COL24A1: variants seen among roughly 807,000 people sequenced by gnomAD.
COL24A1 encodes the protein collagen alpha-1(XXIV) chain.
In COL24A1, 224 loss-of-function variants were observed where a neutral mutation model predicts 253.9. The observed-to-expected ratio is 0.88, with a 90% CI of 0.79 to 0.99. The LOEUF (loss-of-function observed/expected upper bound fraction) is 0.99, where lower values mean the gene tolerates loss of function less well. COL24A1 is among the 50% of genes least tolerant of loss of function. COL24A1 has a pLI of 0.00. For synonymous variants in COL24A1, 685 were observed against 673.7 expected, an observed-to-expected ratio of 1.02 and a Z score of -0.26; for missense variants, 2,131 against 2,068.5, an observed-to-expected ratio of 1.03 and a Z score of -0.59.
At chr1:85,845,270 G>A (rs1436083276) in intron 39 of COL24A1, among the ~76,000 whole-genome samples, 1 of 151,736 alleles carries the variant, frequency 6.6e-6, no homozygotes, top group Admixed American at 6.6e-5. Context: ...GAAAGCATGG[G>A]TTTATCTAAA....
intron 31 of COL24A1, among the ~76,000 whole-genome samples, chr1:85,890,376 T>C (rs768791826): frequency 7.6e-4 from 116 of 151,662 alleles, no homozygotes; most frequent in Admixed American, 9.9e-4. Flanking sequence ...TGCACAAGGG[T>C]TCTAATTCCT....
rs1257297779 is a variant in COL24A1, at chr1:85,938,271, C to T, written c.2562+22978G>A. On this transcript the variant is annotated intron_variant, in intron 24 of 59. Coordinates refer to ENST00000370571, the MANE Select transcript of COL24A1 (RefSeq NM_152890.7). ...CAATGTCCCAGTGGAGGACTCTGTG[C>T]TTTCCATTCCCACAAAATGTGAGCT... Among the ~76,000 whole-genome samples the T allele has an allele frequency of 1.4e-5, 2 of 147,054 alleles. 1 individual carries two copies. Among genetic ancestry groups the T allele is most frequent in the Non-Finnish European group, 3.0e-5 (2 of 66,532 alleles).
chr1:86,080,217 A>T (rs192708909), intron 7 of COL24A1, among the ~76,000 whole-genome samples: 39 of 152,282 alleles, frequency 2.6e-4, no homozygotes, highest in African/African-American at 9.4e-4. Flanking sequence ...TGGGATCTAA[A>T]TATCACAAAA....
At chr1:85,870,282 G>T (rs958726649) in intron 35 of COL24A1, among the ~76,000 whole-genome samples, 4 of 152,188 alleles carry the variant, frequency 2.6e-5, no homozygotes, top group African/African-American at 9.7e-5. Flanking sequence ...ACATTAGACA[G>T]ATCAATGAGA....
chr1:86,020,944 C>A (rs1697474753), intron 18 of COL24A1, among the ~76,000 whole-genome samples: 1 of 152,004 alleles, frequency 6.6e-6, no homozygotes, highest in African/African-American at 2.4e-5. Context: ...AAGCCCAGGG[C>A]AAAGAACTAG....
rs1230301429 is a variant in COL24A1 at position 85,970,141 on chromosome 1, T to C, written c.2463+86A>G. 4.1e-6 allele frequency: 5 copies of C among 1,213,032 alleles called. No individual in the cohort carries two copies. In the African/African-American group the frequency reaches 4.7e-5, roughly 11 times the overall value. The allele number at this position is 1,213,032 out of a possible 1,614,324, so 75.1% of individuals were successfully genotyped here. A position where few individuals can be genotyped will look rare whatever the true frequency, so the allele number is the denominator to read the frequency against. On this transcript the variant is annotated intron_variant, in intron 22 of 59. Coordinates refer to ENST00000370571, the MANE Select transcript of COL24A1 (RefSeq NM_152890.7). ...TTTTCATTTTTGTCCTTTACTATAA[T>C]GTAAAATGTTATGATGTTAAAAACA...
intron 47 of COL24A1, among the ~76,000 whole-genome samples, chr1:85,805,561 T>C (rs1034260413): frequency 2.0e-5 from 3 of 152,178 alleles, no homozygotes; most frequent in Admixed American, 6.5e-5. Context: ...ACAAAAAATA[T>C]GGAGTTTTAG....
chr1:85,991,065 AC>A (rs1490435134), intron 19 of COL24A1, among the ~76,000 whole-genome samples: 1 of 152,230 alleles, frequency 6.6e-6, no homozygotes, highest in African/African-American at 2.4e-5. Context: ...CATCACACAC[AC>A]AAAAAGAGAT....
intron 47 of COL24A1, among the ~76,000 whole-genome samples, chr1:85,799,216 AAAGAAAG>A (rs1671149175): frequency 1.7e-5 from 1 of 59,620 alleles, no homozygotes; most frequent in African/African-American, 4.5e-5. Flanking sequence ...CACATAAAAG[AAAGAAAG>A]AAAGAAAGAA....
At chr1:86,129,932 G>C (rs1458950904) in intron 2 of COL24A1, among the ~76,000 whole-genome samples, 2 of 151,566 alleles carry the variant, frequency 1.3e-5, no homozygotes, top group Non-Finnish European at 3.0e-5. Flanking sequence ...GTTTATTTTT[G>C]TACAATTAAT....
chr1:86,133,637 T>A (rs1311879453), intron 2 of COL24A1, among the ~76,000 whole-genome samples: 1 of 152,232 alleles, frequency 6.6e-6, no homozygotes, highest in Non-Finnish European at 1.5e-5. Context: ...GCTCTGTTTA[T>A]ATGCTGGATT....
At chr1:86,129,502 T>C (rs562659995) in intron 2 of COL24A1, among the ~76,000 whole-genome samples, 54 of 151,940 alleles carry the variant, frequency 3.6e-4, no homozygotes, top group African/African-American at 1.1e-3. Context: ...AATTAGTCCT[T>C]TATTTTTCTT....
chr1:85,982,223 C>T (rs1693324677), intron 20 of COL24A1, among the ~76,000 whole-genome samples: 1 of 151,940 alleles, frequency 6.6e-6, no homozygotes, highest in South Asian at 2.1e-4. Context: ...TAGCTAAACT[C>T]ATAGAAGCAA....
intron 47 of COL24A1, among the ~76,000 whole-genome samples, chr1:85,803,095 A>T (rs1292168852): frequency 3.9e-5 from 6 of 152,176 alleles, no homozygotes; most frequent in Non-Finnish European, 7.3e-5. Context: ...TGGCTGGGTT[A>T]TATGTTAGAA....
At chr1:85,881,385 G>A (rs901699901) in intron 32 of COL24A1, among the ~76,000 whole-genome samples, 3 of 151,974 alleles carry the variant, frequency 2.0e-5, no homozygotes, top group Admixed American at 6.6e-5. Flanking sequence ...TTGGGAGGCC[G>A]AGGCGGGCCG....
intron 55 of COL24A1, among the ~76,000 whole-genome samples, chr1:85,757,435 A>G (rs1294437275): frequency 2.6e-5 from 4 of 152,192 alleles, no homozygotes; most frequent in Non-Finnish European, 4.4e-5. Flanking sequence ...TGGCAACACT[A>G]TGATTTTCTG....
At chr1:85,910,034 A>T (rs1443766096) in intron 25 of COL24A1, 31 bp from the exon 26 acceptor site, 1 of 1,573,590 alleles carries the variant, frequency 6.4e-7, no homozygotes, top group East Asian at 2.2e-5. Flanking sequence ...AAAGAGTAAC[A>T]TAGAGGCATA....
At chr1:85,959,744 C>G (rs1358419467) in intron 24 of COL24A1, among the ~76,000 whole-genome samples, 2 of 152,118 alleles carry the variant, frequency 1.3e-5, no homozygotes, top group African/African-American at 4.8e-5. Context: ...AAAGCACTGG[C>G]AGTGGGTTCT....
In COL24A1 at chr1:85,830,206, C is replaced by G. The variant is rs576309129; in HGVS notation, c.3682-6468G>C. Among the ~76,000 whole-genome samples, 61 of 152,240 alleles carry G rather than the reference C, an allele frequency of 4.0e-4. No homozygotes were observed. The East Asian group carries it at 0.01, about 26-fold the overall frequency. Reference sequence around the variant, plus strand: ...CGTGTGAGGTGTCAGTCTGCCCCTGCTGGGGGGTGCCTCCCAGTTAGGCTG... The same window carrying G: ...CGTGTGAGGTGTCAGTCTGCCCCTGGTGGGGGGTGCCTCCCAGTTAGGCTG... On this transcript the variant is annotated intron_variant, in intron 43 of 59. Coordinates refer to ENST00000370571, the MANE Select transcript of COL24A1 (RefSeq NM_152890.7).
Sources: gnomAD v4.1 joint callset for allele counts (sites outside exome capture counted in the v4.1 genomes callset) on GRCh38, gnomAD v4.1.1 for gene constraint, MANE v1.5 for transcripts, NCBI Gene and HGNC (gene_info 2026-07-23, HGNC 2026-07-21) for gene names.